Variants in EGFR observed in about 807,000 individuals in gnomAD.
EGFR encodes epidermal growth factor receptor.
Under a neutral mutation model 143.0 loss-of-function variants are expected in EGFR, and 58 were observed. The ratio of observed to expected loss-of-function variants is 0.41; its 90% CI spans 0.33 to 0.50. EGFR has a LOEUF of 0.50. EGFR is among the 20% of genes least tolerant of loss of function. The pLI is 0.39. For synonymous variants in EGFR, 613 were observed against 594.4 expected, an observed-to-expected ratio of 1.03 and a Z score of -0.45; for missense variants, 1,307 against 1,579.0, an observed-to-expected ratio of 0.83 and a Z score of 2.92.
chr7:55,168,431 A>G (rs1786177661), intron 15 of EGFR: 1 of 849,544 alleles, frequency 1.2e-6, no homozygotes, highest in Non-Finnish European at 2.0e-6. Flanking sequence ...TATAAGAAAT[A>G]GTTTGCCAAA....
chr7:55,130,079 T>C (rs963261522), intron 1 of EGFR, among the ~76,000 whole-genome samples: 4 of 139,076 alleles, frequency 2.9e-5, no homozygotes, highest in African/African-American at 9.9e-5. Context: ...GCTGAAAACA[T>C]TTACTCTCTG....
At chr7:55,034,595 A>G (rs1787450157) in intron 1 of EGFR, among the ~76,000 whole-genome samples, 2 of 152,138 alleles carry the variant, frequency 1.3e-5, no homozygotes, top group African/African-American at 4.8e-5. Context: ...CTCTTCACCT[A>G]GTGTGTAATA....
chr7:55,207,385 T>TA lies in EGFR; in HGVS notation c.*1769dup. On this transcript the variant is annotated 3_prime_UTR_variant, in exon 28 of 28. Transcript: ENST00000275493. ...AGCATCTATACTAGCCTGGTATGGGTATGAAAGATACAAAGATAAATAAAA... is the reference window on the plus strand; with the variant it reads ...AGCATCTATACTAGCCTGGTATGGGTAATGAAAGATACAAAGATAAATAAAA... The TA allele has an allele frequency of 4.6e-6, 1 of 217,198 alleles. No individual in the cohort carries two copies. Among genetic ancestry groups the TA allele is most frequent in the Non-Finnish European group, 9.2e-6 (1 of 108,190 alleles). The allele number at this position is 217,198 out of a possible 1,614,324, so 13.5% of individuals were successfully genotyped here.
chr7:55,121,834 A>AAT (rs1793225220), intron 1 of EGFR, among the ~76,000 whole-genome samples: 2 of 152,198 alleles, frequency 1.3e-5, no homozygotes, highest in Admixed American at 6.5e-5. Flanking sequence ...TCATTTAACA[A>AAT]ATATATATGG....
At chr7:55,167,058 C>T (rs1786062644) in intron 15 of EGFR, among the ~76,000 whole-genome samples, 1 of 123,546 alleles carries the variant, frequency 8.1e-6, no homozygotes, top group Non-Finnish European at 1.6e-5. Context: ...GTGGGAGTCA[C>T]AATGTTGGTG....
chr7:55,155,176 T>C (rs1785349999), intron 7 of EGFR, among the ~76,000 whole-genome samples: 1 of 152,236 alleles, frequency 6.6e-6, no homozygotes, highest in Non-Finnish European at 1.5e-5. Context: ...GCTCATTGGC[T>C]CATGCCTTTA....
At chr7:55,123,914 T>C (rs116554127) in intron 1 of EGFR, among the ~76,000 whole-genome samples, 6 of 152,106 alleles carry the variant, frequency 3.9e-5, no homozygotes, top group Non-Finnish European at 4.4e-5. Context: ...TGTGTGCAAG[T>C]AAGTGTGTAT....
At chr7:55,121,497 C>T (rs6947531) in intron 1 of EGFR, among the ~76,000 whole-genome samples, 73,729 of 151,992 alleles carry the variant, frequency 0.49, 18,627 homozygotes, top group East Asian at 0.69. Context: ...GAGGTACTGC[C>T]CTTCGAGAGC....
chr7:55,176,849 G>T (rs368471275), intron 19 of EGFR, among the ~76,000 whole-genome samples: 2 of 95,482 alleles, frequency 2.1e-5, no homozygotes, highest in Non-Finnish European at 4.4e-5. Flanking sequence ...TATTTAGAGA[G>T]ATATATATTT....
At chr7:55,199,355 T>C (rs1315084453) in intron 23 of EGFR, among the ~76,000 whole-genome samples, 1 of 152,252 alleles carries the variant, frequency 6.6e-6, no homozygotes, top group Non-Finnish European at 1.5e-5. Context: ...TGTAATTTGA[T>C]TGATGCTATT....
At chr7:55,157,959 C>T (rs1216606359) in intron 11 of EGFR, among the ~76,000 whole-genome samples, 4 of 152,260 alleles carry the variant, frequency 2.6e-5, no homozygotes, top group Non-Finnish European at 5.9e-5. Flanking sequence ...GACTTCTCAG[C>T]GCTCGCCAGT....
At position 55,206,340 on chromosome 7, in the gene EGFR, G is replaced by A. The variant is rs1044215514; in HGVS notation, c.*723G>A. On this transcript the variant is annotated 3_prime_UTR_variant, in exon 28 of 28. Transcript: ENST00000275493. ...GGACCAGTGGTTTCCAGTCATGAGC[G>A]TTAGACTGACTTGTTTGTCTTCCAT... 2.1e-5 allele frequency: 5 copies of A among 233,696 alleles called. No homozygotes were observed. Among genetic ancestry groups the A allele is most frequent in the South Asian group, 3.6e-4 (2 of 5,524 alleles). 14.5% of individuals were successfully genotyped at this position (233,696 alleles called of 1,614,324 possible).
intron 1 of EGFR, among the ~76,000 whole-genome samples, chr7:55,087,377 C>G (rs78757422): frequency 0.019 from 2,831 of 150,704 alleles, 52 homozygotes; most frequent in South Asian, 0.068. Flanking sequence ...AGCAGTGGCA[C>G]TTACTGAAAA....
intron 1 of EGFR, among the ~76,000 whole-genome samples, chr7:55,033,371 C>T (rs574298463): frequency 1.1e-4 from 16 of 152,066 alleles, no homozygotes; most frequent in South Asian, 2.1e-4. Flanking sequence ...AGGGAGGTGA[C>T]GTGATGTGCA....
rs545195938 is a variant in EGFR at position 55,029,251 on chromosome 7, A to G, written c.88+9886A>G. Among the ~76,000 whole-genome samples the G allele has an allele frequency of 2.0e-5, 3 of 152,338 alleles. 1 individual carries two copies. In the South Asian group the frequency reaches 6.2e-4, roughly 32 times the overall value. Reference sequence around the variant, plus strand: ...GAGAGGCTTTTAAATAGAGTGCACTATAGAACTTTTTCTTGGCTTCAATTT... The same window carrying G: ...GAGAGGCTTTTAAATAGAGTGCACTGTAGAACTTTTTCTTGGCTTCAATTT... On this transcript the variant is annotated intron_variant, in intron 1 of 27. Coordinates refer to ENST00000275493, the MANE Select transcript of EGFR (RefSeq NM_005228.5).
chr7:55,073,802 C>T (rs557696042), intron 1 of EGFR, among the ~76,000 whole-genome samples: 31 of 152,288 alleles, frequency 2.0e-4, no homozygotes, highest in Admixed American at 7.2e-4. Flanking sequence ...AACAGAAAAC[C>T]AGCGTGCTAT....
At chr7:55,027,991 AATATATAT>A (rs374300539) in intron 1 of EGFR, among the ~76,000 whole-genome samples, 33 of 54,984 alleles carry the variant, frequency 6.0e-4, no homozygotes, top group Middle Eastern at 0.013. Context: ...AAAAAAAAAA[AATATATAT>A]ATATATATAT....
intron 1 of EGFR, among the ~76,000 whole-genome samples, chr7:55,128,109 T>C (rs1793634820): frequency 6.6e-6 from 1 of 152,234 alleles, no homozygotes; most frequent in African/African-American, 2.4e-5. Flanking sequence ...TCATTCATAG[T>C]GGCTTTCTAG....
intron 3 of EGFR, 116 bp downstream of exon 3, chr7:55,143,604 T>C: frequency 8.5e-7 from 1 of 1,182,182 alleles, no homozygotes; most frequent in Non-Finnish European, 1.2e-6. Context: ...TTTTACCCAG[T>C]ACACGTGCAC....
Sources: allele counts gnomAD v4.1 joint callset (sites outside exome capture counted in the v4.1 genomes callset), GRCh38; gene constraint gnomAD v4.1.1; transcripts MANE v1.5; gene names NCBI Gene and HGNC (gene_info 2026-07-23, HGNC 2026-07-21).